EYS: variants seen among roughly 807,000 people sequenced by gnomAD.
EYS encodes the protein protein eyes shut homolog.
A neutral mutation model predicts 282.1 loss-of-function variants in EYS; 250 were observed. The ratio of observed to expected loss-of-function variants is 0.89; its 90% CI spans 0.80 to 0.98. The LOEUF is 0.98. EYS is among the 50% of genes least tolerant of loss of function. The pLI is 0.00. For synonymous variants in EYS, 1,355 were observed against 1,282.9 expected, an observed-to-expected ratio of 1.06 and a Z score of -1.20; for missense variants, 4,016 against 3,709.0, an observed-to-expected ratio of 1.08 and a Z score of -2.15.
At chr6:64,439,933 T>C (rs1039424610) in intron 26 of EYS, among the ~76,000 whole-genome samples, 4 of 151,878 alleles carry the variant, frequency 2.6e-5, no homozygotes, top group African/African-American at 9.6e-5. Context: ...ATGTGATTAA[T>C]AAAACCAAGT....
intron 30 of EYS, among the ~76,000 whole-genome samples, chr6:64,289,078 C>T (rs1221990383): frequency 6.6e-6 from 1 of 152,082 alleles, no homozygotes. Flanking sequence ...TCAGCAGCTC[C>T]AAGCTCTTTA....
chr6:65,218,348 G>T (rs888676517), intron 12 of EYS, among the ~76,000 whole-genome samples: 1 of 151,980 alleles, frequency 6.6e-6, no homozygotes, highest in Admixed American at 6.6e-5. Flanking sequence ...GCATGCAGAT[G>T]GTATGAAGCA....
chr6:63,847,495 A>T (rs1428330835), intron 36 of EYS, among the ~76,000 whole-genome samples: 1 of 152,090 alleles, frequency 6.6e-6, no homozygotes, highest in East Asian at 1.9e-4. Flanking sequence ...AGAAATGCAT[A>T]ATGATAGACA....
chr6:64,151,317 TTATATATATATATATATATATATA>T lies in EYS; in HGVS notation c.6425-69339_6425-69316del, dbSNP rs61575285. Among the ~76,000 whole-genome samples the T allele has an allele frequency of 9.1e-4, 48 of 52,462 alleles. 1 individual carries two copies. The highest frequency in any genetic ancestry group is 5.5e-3 in the South Asian group (8 of 1,462). The allele number at this position is 52,462 out of a possible 152,430, so 34.4% of individuals were successfully genotyped here. On this transcript the variant is annotated intron_variant, in intron 31 of 42. Transcript: ENST00000503581. ...TTTTCACACGTGTGTGTGTGTATAT[TTATATATATATATATATATATATA>T]TATATATATATATATATATATAATT...
intron 31 of EYS, among the ~76,000 whole-genome samples, chr6:64,146,357 A>C (rs1206575329): frequency 6.6e-6 from 1 of 152,178 alleles, no homozygotes; most frequent in Non-Finnish European, 1.5e-5. Context: ...TCACTGCACA[A>C]GAACACGTTA....
intron 13 of EYS, among the ~76,000 whole-genome samples, chr6:65,019,335 C>T (rs1363017305): frequency 5.9e-5 from 9 of 152,084 alleles, no homozygotes; most frequent in Non-Finnish European, 1.3e-4. Context: ...AATCCTTGTC[C>T]TGTTATTTTT....
At chr6:65,325,327 A>C (rs1438688814) in intron 11 of EYS, among the ~76,000 whole-genome samples, 1 of 152,160 alleles carries the variant, frequency 6.6e-6, no homozygotes, top group African/African-American at 2.4e-5. Context: ...TATTTTAAAT[A>C]AATTTTTAAG....
At chr6:64,874,787 T>A (rs994380886) in intron 19 of EYS, among the ~76,000 whole-genome samples, 2 of 152,050 alleles carry the variant, frequency 1.3e-5, no homozygotes, top group African/African-American at 4.8e-5. Context: ...CATCCCTAGT[T>A]GTTTGAAGGG....
At chr6:64,106,044 TTAAAG>T (rs775936754) in intron 31 of EYS, among the ~76,000 whole-genome samples, 20 of 152,176 alleles carry the variant, frequency 1.3e-4, no homozygotes, top group Non-Finnish European at 2.4e-4. Flanking sequence ...CTATTGATGA[TTAAAG>T]TAATTATTTA....
At chr6:65,561,475 T>C (rs2127345414) in intron 2 of EYS, among the ~76,000 whole-genome samples, 1 of 152,246 alleles carries the variant, frequency 6.6e-6, no homozygotes, top group South Asian at 2.1e-4. Context: ...AGACCCTCAT[T>C]ATCTCTTACA....
At chr6:65,353,392 G>T in intron 9 of EYS, 66 bp downstream of exon 9, 1 of 1,378,766 alleles carries the variant, frequency 7.3e-7, no homozygotes, top group Non-Finnish European at 1.0e-6. Flanking sequence ...TTTAGAAAAT[G>T]AATACGTGAC....
intron 31 of EYS, among the ~76,000 whole-genome samples, chr6:64,194,272 T>C (rs1765211034): frequency 1.4e-5 from 2 of 141,100 alleles, no homozygotes; most frequent in East Asian, 4.8e-4. Flanking sequence ...TTGTCTATTC[T>C]GATATTAATT....
intron 41 of EYS, among the ~76,000 whole-genome samples, chr6:63,745,743 G>A (rs1769195407): frequency 6.6e-6 from 1 of 152,150 alleles, no homozygotes; most frequent in Admixed American, 6.5e-5. Context: ...GTATATTATG[G>A]ACTAAATATT....
chr6:64,324,088 T>C (rs921102453), intron 29 of EYS, among the ~76,000 whole-genome samples: 18 of 152,152 alleles, frequency 1.2e-4, no homozygotes, highest in African/African-American at 4.1e-4. Flanking sequence ...AAACTTGACA[T>C]GGGATTGTTC....
intron 5 of EYS, among the ~76,000 whole-genome samples, chr6:65,433,737 G>GACTTT (rs1409486675): frequency 1.3e-5 from 2 of 152,154 alleles, no homozygotes; most frequent in Non-Finnish European, 2.9e-5. Context: ...GTACTAGAAT[G>GACTTT]AACCAAGTAA....
At chr6:65,199,453 G>A (rs759109700) in intron 12 of EYS, among the ~76,000 whole-genome samples, 23 of 151,996 alleles carry the variant, frequency 1.5e-4, no homozygotes, top group Admixed American at 6.6e-5. Flanking sequence ...ATATTTAACC[G>A]ACAGCAGCGA....
intron 26 of EYS, among the ~76,000 whole-genome samples, chr6:64,452,628 C>A (rs1208072154): frequency 6.6e-6 from 1 of 152,080 alleles, no homozygotes; most frequent in Non-Finnish European, 1.5e-5. Context: ...GCTACAGTAA[C>A]CAAAACAGCA....
chr6:65,148,851 C>A lies in EYS; in HGVS notation c.2024-91124G>T, dbSNP rs61204117. ...CTGTGTACCCACAGACTCAAAGCCA[C>A]ATGGAAGCCACCAAAGCTTGGGGCT... is the stretch of plus-strand genomic sequence containing the variant. On this transcript the variant is annotated intron_variant, in intron 12 of 42. Coordinates refer to ENST00000503581, the MANE Select transcript of EYS (RefSeq NM_001142800.2). 9.0e-3 allele frequency among the ~76,000 whole-genome samples: 1,365 copies of A among 152,236 alleles called. 14 individuals are homozygous for A. Among genetic ancestry groups the A allele is most frequent in the African/African-American group, 0.031 (1,294 of 41,574 alleles).
At chr6:65,108,819 A>G (rs551127432) in intron 12 of EYS, among the ~76,000 whole-genome samples, 2 of 152,246 alleles carry the variant, frequency 1.3e-5, no homozygotes, top group Admixed American at 6.5e-5. Flanking sequence ...CTAAAATTAT[A>G]TATATGTTGG....
Sources: gnomAD v4.1 joint callset for allele counts (sites outside exome capture counted in the v4.1 genomes callset) on GRCh38, gnomAD v4.1.1 for gene constraint, MANE v1.5 for transcripts, NCBI Gene and HGNC (gene_info 2026-07-23, HGNC 2026-07-21) for gene names.